ST6GALNAC3: variants seen among roughly 807,000 people sequenced by gnomAD.
The protein encoded by ST6GALNAC3 is alpha-N-acetylgalactosaminide alpha-2,6-sialyltransferase 3.
ST6GALNAC3 carries 25 observed loss-of-function variants against 32.7 expected under a neutral mutation model. The observed-to-expected ratio is 0.76, with a 90% CI of 0.56 to 1.07. ST6GALNAC3 has a LOEUF of 1.07. ST6GALNAC3 is among the 50% of genes least tolerant of loss of function. ST6GALNAC3 has a pLI of 0.00. For missense variants in ST6GALNAC3, 355 were observed against 382.4 expected (o/e 0.93, Z 0.60); for synonymous variants, 129 against 133.1 (o/e 0.97, Z 0.21).
chr1:76,277,032 G>A (rs1029165392), intron 1 of ST6GALNAC3, among the ~76,000 whole-genome samples: 1 of 152,070 alleles, frequency 6.6e-6, no homozygotes, highest in African/African-American at 2.4e-5. Flanking sequence ...ATTTGTAGAA[G>A]TTCTTGTATG....
intron 1 of ST6GALNAC3, among the ~76,000 whole-genome samples, chr1:76,130,797 G>A (rs1355813460): frequency 6.6e-6 from 1 of 152,220 alleles, no homozygotes; most frequent in Non-Finnish European, 1.5e-5. Context: ...AGCAGCTTCA[G>A]GCAGCTTGTG....
chr1:76,177,762 T>C (rs554610825), intron 1 of ST6GALNAC3, among the ~76,000 whole-genome samples: 9 of 152,338 alleles, frequency 5.9e-5, no homozygotes, highest in African/African-American at 1.9e-4. Flanking sequence ...TTCAGATCGC[T>C]GTGTACAGAG....
intron 1 of ST6GALNAC3, among the ~76,000 whole-genome samples, chr1:76,310,614 A>G (rs1312350714): frequency 6.6e-6 from 1 of 152,170 alleles, no homozygotes; most frequent in Non-Finnish European, 1.5e-5. Context: ...GGATACAGGA[A>G]CTGCCTTCAG....
At chr1:76,353,155 G>A (rs762603667) in intron 2 of ST6GALNAC3, among the ~76,000 whole-genome samples, 36 of 152,228 alleles carry the variant, frequency 2.4e-4, no homozygotes, top group Middle Eastern at 3.4e-3. Context: ...CTGTATCATG[G>A]CCAATAAAGA....
At chr1:76,153,925 T>C (rs76290288) in intron 1 of ST6GALNAC3, among the ~76,000 whole-genome samples, 3,844 of 152,228 alleles carry the variant, frequency 0.025, 112 homozygotes, top group African/African-American at 0.077. Flanking sequence ...TTTTGGTGTC[T>C]TATCTAAGAC....
intron 3 of ST6GALNAC3, among the ~76,000 whole-genome samples, chr1:76,591,691 T>G (rs1320911858): frequency 6.6e-6 from 1 of 152,088 alleles, no homozygotes; most frequent in African/African-American, 2.4e-5. Context: ...ACATCAGAGT[T>G]GTGTATGTGA....
chr1:76,597,017 G>A (rs1485661321), intron 3 of ST6GALNAC3, among the ~76,000 whole-genome samples: 1 of 152,062 alleles, frequency 6.6e-6, no homozygotes, highest in Non-Finnish European at 1.5e-5. Context: ...AGATTTCTGG[G>A]GACATTCATA....
chr1:76,407,308 A>G (rs1557861033), intron 2 of ST6GALNAC3, among the ~76,000 whole-genome samples: 1 of 152,108 alleles, frequency 6.6e-6, no homozygotes, highest in Non-Finnish European at 1.5e-5. Context: ...TAGGTACTAA[A>G]TAAAAATTAT....
chr1:76,186,807 C>A (rs867358004), intron 1 of ST6GALNAC3, among the ~76,000 whole-genome samples: 2 of 152,276 alleles, frequency 1.3e-5, no homozygotes, highest in South Asian at 4.2e-4. Context: ...CATGGCACCT[C>A]CATTCTACGG....
At chr1:76,081,285 TAA>T (rs10526487) in intron 1 of ST6GALNAC3, among the ~76,000 whole-genome samples, 22 of 120,536 alleles carry the variant, frequency 1.8e-4, no homozygotes, top group East Asian at 6.2e-4. Flanking sequence ...GCTGGTGAGC[TAA>T]AAAAAAAAAA....
In ST6GALNAC3 at chr1:76,412,178, G is replaced by A. The variant is rs146165644; in HGVS notation, c.384G>A (p.Val128=). Residue 128 remains valine, a synonymous_variant, in exon 3 of 5, where the codon GTG becomes GTA. Coordinates refer to ENST00000328299, the MANE Select transcript of ST6GALNAC3 (RefSeq NM_152996.4). The part of the protein sequence containing the change: ...DVGRMTMIRV[V]SHTSVPLLLK... ...GCCGCATGACCATGATTCGAGTTGT[G>A]TCCCATACCAGCGTTCCTCTTTTGC... 2.8e-5 allele frequency: 45 copies of A among 1,613,574 alleles called. No homozygotes were observed. The highest frequency in any genetic ancestry group is 3.6e-5 in the Non-Finnish European group (42 of 1,179,802).
chr1:76,541,952 T>A (rs1304803897), intron 3 of ST6GALNAC3, among the ~76,000 whole-genome samples: 1 of 152,202 alleles, frequency 6.6e-6, no homozygotes, highest in East Asian at 1.9e-4. Context: ...CTTAGCAGAA[T>A]GTTAGGAACA....
chr1:76,514,290 T>C (rs1662041887), intron 3 of ST6GALNAC3, among the ~76,000 whole-genome samples: 1 of 152,184 alleles, frequency 6.6e-6, no homozygotes, highest in African/African-American at 2.4e-5. Flanking sequence ...GTGTTGAATA[T>C]TGCCAGAAGC....
chr1:76,321,227 G>T (rs530208798), intron 2 of ST6GALNAC3, among the ~76,000 whole-genome samples: 1 of 152,186 alleles, frequency 6.6e-6, no homozygotes, highest in Non-Finnish European at 1.5e-5. Flanking sequence ...GGCAGGAAAG[G>T]CCCCCTTTTC....
Position 76,318,286 on chromosome 1 carries a change from A to G in ST6GALNAC3, c.213+4287A>G, listed in dbSNP as rs555995165. On this transcript the variant is annotated intron_variant, in intron 2 of 4. Coordinates refer to ENST00000328299, the MANE Select transcript of ST6GALNAC3 (RefSeq NM_152996.4). ...CTGTAATAATGATGATCTAAATATAACAGAGTTGGTGATTGGCTTTAACTC... is the reference window on the plus strand; with the variant it reads ...CTGTAATAATGATGATCTAAATATAGCAGAGTTGGTGATTGGCTTTAACTC... Among the ~76,000 whole-genome samples the G allele has an allele frequency of 3.3e-5, 5 of 152,286 alleles. No homozygotes were observed. The South Asian group carries it at 1.0e-3, about 32-fold the overall frequency.
chr1:76,374,748 T>G (rs1022345070), intron 2 of ST6GALNAC3, among the ~76,000 whole-genome samples: 21 of 152,126 alleles, frequency 1.4e-4, no homozygotes, highest in African/African-American at 5.1e-4. Context: ...GTACCTTAAT[T>G]TTACATTAAT....
At chr1:76,514,556 G>C (rs1305246479) in intron 3 of ST6GALNAC3, among the ~76,000 whole-genome samples, 2 of 152,064 alleles carry the variant, frequency 1.3e-5, no homozygotes, top group Non-Finnish European at 1.5e-5. Flanking sequence ...TTGCAGAAAT[G>C]GATAAGTTCC....
chr1:76,465,442 G>A (rs928706810), intron 3 of ST6GALNAC3, among the ~76,000 whole-genome samples: 8 of 152,156 alleles, frequency 5.3e-5, no homozygotes, highest in African/African-American at 1.9e-4. Flanking sequence ...TCAATGGAAA[G>A]TTATGATGTT....
intron 3 of ST6GALNAC3, among the ~76,000 whole-genome samples, chr1:76,607,122 A>G (rs2100653162): frequency 6.6e-6 from 1 of 152,278 alleles, no homozygotes; most frequent in East Asian, 1.9e-4. Flanking sequence ...GCACTTAGGA[A>G]AGCAGTTTAT....
Sources: allele counts gnomAD v4.1 joint callset (sites outside exome capture counted in the v4.1 genomes callset), GRCh38; gene constraint gnomAD v4.1.1; transcripts MANE v1.5; gene names NCBI Gene and HGNC (gene_info 2026-07-23, HGNC 2026-07-21).